AGBL3: variants seen among roughly 807,000 people sequenced by gnomAD.
The protein encoded by AGBL3 is cytosolic carboxypeptidase 3.
A neutral mutation model predicts 94.5 loss-of-function variants in AGBL3; 68 were observed. The observed-to-expected ratio is 0.72, with a 90% CI of 0.59 to 0.88. The LOEUF is 0.88. Ranked by LOEUF, AGBL3 falls within the 40% of genes least tolerant of loss-of-function variation. AGBL3 has a pLI of 0.00. For synonymous variants in AGBL3, 354 were observed against 370.7 expected, an observed-to-expected ratio of 0.95 and a Z score of 0.52; for missense variants, 934 against 1,103.8, an observed-to-expected ratio of 0.85 and a Z score of 2.18.
intron 16 of AGBL3, among the ~76,000 whole-genome samples, chr7:135,121,634 TG>T (rs1827144459): frequency 6.6e-6 from 1 of 151,142 alleles, no homozygotes; most frequent in Admixed American, 6.6e-5. Context: ...TTCTCTGGGA[TG>T]GGGCCAAGAT....
Position 134,987,958 on chromosome 7 carries a change from G to C in AGBL3, c.25G>C (p.Asp9His), listed in dbSNP as rs902476141. ...GATGTCAGAAGATTCAGAAAAGGAAGACTATTCAGACAGAACAATCAGTGA... is the reference window on the plus strand; with the variant it reads ...GATGTCAGAAGATTCAGAAAAGGAACACTATTCAGACAGAACAATCAGTGA... MSEDSEKE[D>H]YSDRTISDED... Residue 9 changes from aspartate (D) to histidine (H), a missense_variant, in exon 2 of 17, where the codon GAC (aspartate) becomes CAC (histidine). This residue lies in a region of AGBL3 where 488 missense variants were observed against 563.6 expected (regional missense o/e 0.87). Coordinates refer to ENST00000436302, the MANE Select transcript of AGBL3 (RefSeq NM_178563.4). 1.2e-5 allele frequency: 18 copies of C among 1,547,744 alleles called. No individual in the cohort carries two copies. The African/African-American group carries it at 2.5e-4, about 21-fold the overall frequency.
At chr7:135,129,105 A>T in intron 16 of AGBL3, 1 of 1,570,462 alleles carries the variant, frequency 6.4e-7, no homozygotes, top group African/African-American at 1.3e-5. Context: ...TGGTCAGGTC[A>T]AAGAGCTAGT....
At position 134,986,549 on chromosome 7, in the gene AGBL3, G is replaced by C. The variant is rs1481872199; in HGVS notation, c.-212G>C. 6.6e-6 allele frequency: 1 copy of C among 152,338 alleles called. No homozygotes were observed. Among genetic ancestry groups the C allele is most frequent in the Non-Finnish European group, 1.5e-5 (1 of 68,158 alleles). 9.4% of individuals were successfully genotyped at this position (152,338 alleles called of 1,614,324 possible). ...AGTTGGGAGTGTGGCTGGGGCTGCG[G>C]ATCTCCAGCAGTGGCGTTACTTCTA... is the stretch of plus-strand genomic sequence containing the variant. On this transcript the variant is annotated 5_prime_UTR_variant, in exon 1 of 17. Coordinates refer to ENST00000436302, the MANE Select transcript of AGBL3 (RefSeq NM_178563.4).
intron 16 of AGBL3, chr7:135,128,321 GAAAA>G (rs1188974707): frequency 3.5e-4 from 26 of 74,370 alleles, no homozygotes; most frequent in African/African-American, 1.5e-3. Context: ...AAAAAAAAAC[GAAAA>G]AAAAAAACAA....
intron 12 of AGBL3, among the ~76,000 whole-genome samples, chr7:135,064,671 G>T (rs953761181): frequency 6.6e-6 from 1 of 152,162 alleles, no homozygotes; most frequent in Admixed American, 6.5e-5. Context: ...AAAGAAGGTG[G>T]TCTCCAGAAT....
intron 5 of AGBL3, among the ~76,000 whole-genome samples, chr7:135,027,931 C>T (rs1275479253): frequency 6.6e-6 from 1 of 151,558 alleles, no homozygotes; most frequent in Admixed American, 6.6e-5. Flanking sequence ...AGTTCCAGAC[C>T]ACTGCAATAA....
intron 12 of AGBL3, among the ~76,000 whole-genome samples, chr7:135,066,771 C>G (rs1421321544): frequency 1.3e-5 from 2 of 152,088 alleles, no homozygotes; most frequent in Non-Finnish European, 2.9e-5. Context: ...GCCAAGATGG[C>G]CGAACAGGAA....
At chr7:135,002,610 C>A (rs1443652906) in intron 4 of AGBL3, among the ~76,000 whole-genome samples, 1 of 152,100 alleles carries the variant, frequency 6.6e-6, no homozygotes, top group African/African-American at 2.4e-5. Flanking sequence ...TCTGAACAGG[C>A]AGAATATTTC....
intron 16 of AGBL3, among the ~76,000 whole-genome samples, chr7:135,123,475 T>C (rs1211845050): frequency 2.0e-5 from 3 of 152,296 alleles, no homozygotes; most frequent in Admixed American, 1.3e-4. Context: ...CGCTTTATGA[T>C]ATTATCCAGG....
At chr7:135,056,695 T>C (rs1818373555) in intron 11 of AGBL3, among the ~76,000 whole-genome samples, 2 of 152,048 alleles carry the variant, frequency 1.3e-5, no homozygotes, top group Non-Finnish European at 2.9e-5. Context: ...ATGTGAAAGA[T>C]GTATATGAGG....
chr7:135,046,630 A>C (rs1226377137), intron 11 of AGBL3, among the ~76,000 whole-genome samples: 1 of 151,990 alleles, frequency 6.6e-6, no homozygotes, highest in Non-Finnish European at 1.5e-5. Context: ...ATTTTCTTCC[A>C]TGTCTTTTCG....
At chr7:135,113,737 C>T (rs1169980035) in intron 15 of AGBL3, among the ~76,000 whole-genome samples, 3 of 152,170 alleles carry the variant, frequency 2.0e-5, no homozygotes, top group Non-Finnish European at 2.9e-5. Flanking sequence ...TAAGTACAGT[C>T]GCATTGTGGT....
chr7:135,000,074 G>A (rs1811523092), intron 4 of AGBL3, among the ~76,000 whole-genome samples: 1 of 152,186 alleles, frequency 6.6e-6, no homozygotes, highest in Non-Finnish European at 1.5e-5. Flanking sequence ...TCCTTGCACT[G>A]TCCCAGTAAC....
intron 15 of AGBL3, among the ~76,000 whole-genome samples, chr7:135,086,450 G>T (rs1465810326): frequency 6.6e-6 from 1 of 151,996 alleles, no homozygotes; most frequent in Non-Finnish European, 1.5e-5. Context: ...TTGGGTGCGG[G>T]TTTGTCTTGT....
rs777074885 is a variant in AGBL3, at chr7:135,135,228, C to T, written c.2730C>T (p.Pro910=). The change falls in exon 17 of 17, where the codon CCC becomes CCT. Residue 910 remains proline (P), a synonymous_variant. Transcript: ENST00000436302. ...DEQANKNDGQ[P]TLYLKFQRES is the part of the protein sequence containing the mutation. Reference sequence around the variant, plus strand: ...AGGCCAATAAGAATGATGGACAACCCACCTTATATCTGAAGTTCCAAAGGG... The same window carrying T: ...AGGCCAATAAGAATGATGGACAACCTACCTTATATCTGAAGTTCCAAAGGG... 1.3e-6 allele frequency: 2 copies of T among 1,532,650 alleles called. No homozygotes were observed. The highest frequency in any genetic ancestry group is 2.4e-5 in the South Asian group (2 of 81,784). The allele number at this position is 1,532,650 out of a possible 1,614,324, so 94.9% of individuals were successfully genotyped here.
At chr7:134,988,391 C>G (rs1809746946) in intron 2 of AGBL3, 1 of 157,678 alleles carries the variant, frequency 6.3e-6, no homozygotes, top group Non-Finnish European at 1.4e-5. Context: ...TGTGTATCAC[C>G]ATAACAGTTT....
intron 3 of AGBL3, 96 bp from the exon 4 acceptor site, chr7:134,993,397 A>G: frequency 1.0e-6 from 1 of 978,154 alleles, no homozygotes; most frequent in Non-Finnish European, 1.5e-6. Flanking sequence ...CCACACATTG[A>G]ATAGTGTTGA....
intron 15 of AGBL3, among the ~76,000 whole-genome samples, chr7:135,100,994 T>C (rs138355727): frequency 1.9e-4 from 29 of 152,336 alleles, no homozygotes; most frequent in African/African-American, 7.0e-4. Flanking sequence ...TGAGGTGTAA[T>C]ATGCAAATAT....
intron 15 of AGBL3, chr7:135,092,895 A>G (rs1288295539): frequency 1.3e-5 from 2 of 152,114 alleles, no homozygotes; most frequent in African/African-American, 2.4e-5. Flanking sequence ...ACAATATAAT[A>G]TACCATGTTA....
Sources: gnomAD v4.1 joint callset for allele counts (sites outside exome capture counted in the v4.1 genomes callset) on GRCh38, gnomAD v4.1.1 for gene constraint, gnomAD v4.1.1 regional missense constraint, MANE v1.5 for transcripts, NCBI Gene and HGNC (gene_info 2026-07-23, HGNC 2026-07-21) for gene names.